Variants in CDH7 observed in about 807,000 individuals in gnomAD.
The protein encoded by CDH7 is cadherin-7.
Under a neutral mutation model 71.8 loss-of-function variants are expected in CDH7, and 25 were observed. That is an observed-to-expected ratio of 0.35 (90% CI 0.25 to 0.49). CDH7 has a LOEUF of 0.49. Among genes scored for constraint, CDH7 ranks in the 20% least tolerant of loss-of-function variants. CDH7 has a pLI of 0.99. For missense variants in CDH7, 862 were observed against 974.6 expected (o/e 0.88, Z 1.54); for synonymous variants, 381 against 363.8 (o/e 1.05, Z -0.54).
intron 6 of CDH7, among the ~76,000 whole-genome samples, chr18:65,834,870 A>G (rs1486684516): frequency 6.6e-6 from 1 of 152,190 alleles, no homozygotes; most frequent in Non-Finnish European, 1.5e-5. Flanking sequence ...ACCAACTCTC[A>G]TTCTCTTTCT....
intron 2 of CDH7, among the ~76,000 whole-genome samples, chr18:65,797,622 A>C (rs888860014): frequency 6.6e-5 from 10 of 152,174 alleles, no homozygotes; most frequent in African/African-American, 2.4e-4. Context: ...AGACAATTAC[A>C]TATCCCATGG....
At chr18:65,807,944 A>G (rs1336560370) in intron 2 of CDH7, among the ~76,000 whole-genome samples, 24 of 152,280 alleles carry the variant, frequency 1.6e-4, no homozygotes, top group South Asian at 2.1e-4. Flanking sequence ...CAGGGCAACA[A>G]TTCCTATCCT....
At chr18:65,778,302 C>G (rs998736390) in intron 2 of CDH7, among the ~76,000 whole-genome samples, 2 of 121,158 alleles carry the variant, frequency 1.7e-5, no homozygotes, top group East Asian at 5.6e-4. Flanking sequence ...AAAAAAAAAA[C>G]CTAGTGCCAT....
intron 7 of CDH7, among the ~76,000 whole-genome samples, chr18:65,856,591 C>T (rs912715026): frequency 1.3e-5 from 2 of 151,888 alleles, no homozygotes; most frequent in Non-Finnish European, 2.9e-5. Flanking sequence ...AGTAAAGGAG[C>T]AAATCAAGAA....
chr18:65,799,114 A>G (rs1386979986), intron 2 of CDH7, among the ~76,000 whole-genome samples: 1 of 152,064 alleles, frequency 6.6e-6, no homozygotes, highest in African/African-American at 2.4e-5. Context: ...TCCATTTGCC[A>G]TTAAGATGGA....
intron 1 of CDH7, among the ~76,000 whole-genome samples, chr18:65,754,033 A>C (rs1223917533): frequency 1.3e-5 from 2 of 152,178 alleles, no homozygotes; most frequent in African/African-American, 2.4e-5. Context: ...TACAGCTAAG[A>C]TTTCTTGTAA....
At position 65,886,496 on chromosome 18, in the gene CDH7, G is replaced by T. The variant is rs1307005685; in HGVS notation, c.*5602G>T. On this transcript the variant is annotated 3_prime_UTR_variant, in exon 12 of 12. Coordinates refer to ENST00000397968, the MANE Select transcript of CDH7 (RefSeq NM_004361.5). ...GAATTAATGATATCCATATGTGAAT[G>T]GGATTATAAATAAAGAACAAATCTT... 6.6e-6 allele frequency: 1 copy of T among 152,008 alleles called. No homozygotes were observed. Among genetic ancestry groups the T allele is most frequent in the African/African-American group, 2.4e-5 (1 of 41,384 alleles). The allele number at this position is 152,008 out of a possible 1,614,324, so 9.4% of individuals were successfully genotyped here. A position where few individuals can be genotyped will look rare whatever the true frequency, so the allele number is the denominator to read the frequency against.
At position 65,886,752 on chromosome 18, in the gene CDH7, T is replaced by C. The variant is rs1251170692; in HGVS notation, c.*5858T>C. The C allele has an allele frequency of 3.3e-5, 5 of 152,160 alleles. No individual in the cohort carries two copies. The highest frequency in any genetic ancestry group is 7.4e-5 in the Non-Finnish European group (5 of 68,014). The allele number at this position is 152,160 out of a possible 1,614,324, so 9.4% of individuals were successfully genotyped here. A position where few individuals can be genotyped will look rare whatever the true frequency, so the allele number is the denominator to read the frequency against. On this transcript the variant is annotated 3_prime_UTR_variant, in exon 12 of 12. Coordinates refer to ENST00000397968, the MANE Select transcript of CDH7 (RefSeq NM_004361.5). ...TAATAATTTATACACTTGAAAAAAT[T>C]AGATGCAATGATATTGACTTAACAT...
At position 65,882,177 on chromosome 18, in the gene CDH7, C is replaced by G. The variant is rs1405586848; in HGVS notation, c.*1283C>G. On this transcript the variant is annotated 3_prime_UTR_variant, in exon 12 of 12. Transcript: ENST00000397968. Reference sequence around the variant, plus strand: ...TGCAAATATGTCCCTCAAGAATTAACCAAGCAATGTATGATTTCTGTGTGG... The same window carrying G: ...TGCAAATATGTCCCTCAAGAATTAAGCAAGCAATGTATGATTTCTGTGTGG... The G allele has an allele frequency of 2.0e-5, 3 of 152,040 alleles. No individual in the cohort carries two copies. Among genetic ancestry groups the G allele is most frequent in the Non-Finnish European group, 2.9e-5 (2 of 67,974 alleles). 9.4% of individuals were successfully genotyped at this position (152,040 alleles called of 1,614,324 possible).
At chr18:65,806,739 T>A (rs1911340187) in intron 2 of CDH7, among the ~76,000 whole-genome samples, 4 of 152,154 alleles carry the variant, frequency 2.6e-5, no homozygotes, top group Admixed American at 2.6e-4. Flanking sequence ...TTGCTATTTC[T>A]ACACTTGGCA....
intron 2 of CDH7, among the ~76,000 whole-genome samples, chr18:65,797,142 A>C (rs1413638211): frequency 2.0e-5 from 3 of 152,106 alleles, no homozygotes; most frequent in Admixed American, 6.5e-5. Flanking sequence ...CAAAAACAAA[A>C]ACAACAACAG....
At chr18:65,825,120 G>A (rs1912080152) in intron 6 of CDH7, among the ~76,000 whole-genome samples, 1 of 151,964 alleles carries the variant, frequency 6.6e-6, no homozygotes, top group Non-Finnish European at 1.5e-5. Flanking sequence ...TATTTGGAGA[G>A]ATGAATATGT....
At chr18:65,868,004 C>G (rs539742171) in intron 11 of CDH7, among the ~76,000 whole-genome samples, 2 of 152,172 alleles carry the variant, frequency 1.3e-5, no homozygotes, top group South Asian at 4.2e-4. Context: ...TGATTTTTTT[C>G]CAACAGAAAA....
intron 7 of CDH7, among the ~76,000 whole-genome samples, chr18:65,854,958 CACACACATAGAT>C (rs1489748678): frequency 6.6e-6 from 1 of 151,590 alleles, no homozygotes; most frequent in Non-Finnish European, 1.5e-5. Context: ...TACACACACA[CACACACATAGAT>C]ACACACATAA....
At chr18:65,801,415 T>A (rs1716324284) in intron 2 of CDH7, among the ~76,000 whole-genome samples, 1 of 152,212 alleles carries the variant, frequency 6.6e-6, no homozygotes, top group African/African-American at 2.4e-5. Flanking sequence ...TAATCTGTAA[T>A]TTTTACAAAG....
At chr18:65,798,254 T>G (rs566349062) in intron 2 of CDH7, among the ~76,000 whole-genome samples, 1 of 152,342 alleles carries the variant, frequency 6.6e-6, no homozygotes, top group South Asian at 2.1e-4. Flanking sequence ...AGATATCTAC[T>G]GAAAGAAACG....
intron 6 of CDH7, among the ~76,000 whole-genome samples, chr18:65,836,182 A>G (rs985518097): frequency 6.6e-6 from 1 of 152,232 alleles, no homozygotes; most frequent in East Asian, 1.9e-4. Context: ...CTATAAAGCA[A>G]CAAATTTCTT....
At chr18:65,765,509 GT>G (rs1916331037) in intron 2 of CDH7, among the ~76,000 whole-genome samples, 1 of 149,400 alleles carries the variant, frequency 6.7e-6, no homozygotes, top group Non-Finnish European at 1.5e-5. Flanking sequence ...GCCCAGAAAT[GT>G]TTGTAGGACA....
intron 7 of CDH7, among the ~76,000 whole-genome samples, chr18:65,850,018 GC>G (rs1913089271): frequency 6.8e-6 from 1 of 146,652 alleles, no homozygotes; most frequent in South Asian, 2.1e-4. Flanking sequence ...ACAAAAATTA[GC>G]CAGGTGTGGT....
Sources: allele counts gnomAD v4.1 joint callset (sites outside exome capture counted in the v4.1 genomes callset), GRCh38; gene constraint gnomAD v4.1.1; transcripts MANE v1.5; gene names NCBI Gene and HGNC (gene_info 2026-07-23, HGNC 2026-07-21).